PIP5K1B: variants seen among roughly 807,000 people sequenced by gnomAD.
PIP5K1B encodes phosphatidylinositol-4-phosphate 5-kinase type 1 beta.
A neutral mutation model predicts 67.0 loss-of-function variants in PIP5K1B; 42 were observed. That is an observed-to-expected ratio of 0.63 (90% CI 0.49 to 0.81). PIP5K1B has a LOEUF of 0.81. Among genes scored for constraint, PIP5K1B ranks in the 30% least tolerant of loss-of-function variants. PIP5K1B has a pLI of 0.00. For synonymous variants in PIP5K1B, 214 were observed against 231.4 expected (o/e 0.92, Z 0.68); for missense variants, 459 against 646.3 (o/e 0.71, Z 3.14).
intron 14 of PIP5K1B, among the ~76,000 whole-genome samples, chr9:68,986,954 A>G (rs1424992083): frequency 1.3e-5 from 2 of 152,206 alleles, no homozygotes; most frequent in Non-Finnish European, 2.9e-5. Context: ...GTCATTTAAA[A>G]AAAAATAAAT....
At chr9:68,819,596 C>T (rs12341091) in intron 3 of PIP5K1B, among the ~76,000 whole-genome samples, 2 of 152,082 alleles carry the variant, frequency 1.3e-5, no homozygotes. Flanking sequence ...TTTTTTAAAA[C>T]AATGTTTTGA....
chr9:68,842,258 G>A (rs1821956354), intron 4 of PIP5K1B, among the ~76,000 whole-genome samples: 2 of 152,148 alleles, frequency 1.3e-5, no homozygotes, highest in African/African-American at 4.8e-5. Flanking sequence ...CAGGGAGGGT[G>A]GACAGGCAGG....
At chr9:68,775,764 TG>T (rs956576290) in intron 2 of PIP5K1B, among the ~76,000 whole-genome samples, 60 of 152,360 alleles carry the variant, frequency 3.9e-4, no homozygotes, top group African/African-American at 1.4e-3. Flanking sequence ...TTTGGCTGTT[TG>T]GGGACTTCAT....
chr9:68,795,263 C>G (rs1240635440), intron 2 of PIP5K1B, among the ~76,000 whole-genome samples: 2 of 152,104 alleles, frequency 1.3e-5, no homozygotes, highest in African/African-American at 4.8e-5. Context: ...TCCAAGCTTT[C>G]TGATTTTAGG....
At chr9:68,935,679 C>G (rs539788026) in intron 13 of PIP5K1B, among the ~76,000 whole-genome samples, 1 of 152,306 alleles carries the variant, frequency 6.6e-6, no homozygotes, top group South Asian at 2.1e-4. Context: ...TGTACACATA[C>G]ACATATGCAC....
intron 15 of PIP5K1B, among the ~76,000 whole-genome samples, chr9:68,993,539 C>T (rs147002630): frequency 5.9e-5 from 9 of 152,188 alleles, no homozygotes; most frequent in South Asian, 2.1e-4. Context: ...GAGCAATGCT[C>T]CACCCTACCA....
chr9:69,007,006 C>A (rs1541083), intron 15 of PIP5K1B, among the ~76,000 whole-genome samples: 91,502 of 152,032 alleles, frequency 0.6, 28,981 homozygotes, highest in African/African-American at 0.8. Flanking sequence ...GTCCCACTTG[C>A]CCACTGCTAT....
chr9:68,725,411 C>T (rs903233364), intron 1 of PIP5K1B, among the ~76,000 whole-genome samples: 1 of 152,146 alleles, frequency 6.6e-6, no homozygotes, highest in African/African-American at 2.4e-5. Context: ...TGTTGTGAGG[C>T]CAAATGAACT....
chr9:68,793,799 A>G (rs1832135690), intron 2 of PIP5K1B, among the ~76,000 whole-genome samples: 1 of 152,204 alleles, frequency 6.6e-6, no homozygotes, highest in Non-Finnish European at 1.5e-5. Context: ...GCTGGACTGA[A>G]ATACACAATT....
intron 1 of PIP5K1B, among the ~76,000 whole-genome samples, chr9:68,719,948 A>G (rs910151955): frequency 6.6e-6 from 1 of 152,230 alleles, no homozygotes; most frequent in Non-Finnish European, 1.5e-5. Flanking sequence ...TGGAAGCTTT[A>G]GAAATGATCA....
At chr9:68,955,846 T>C (rs772906773) in intron 14 of PIP5K1B, among the ~76,000 whole-genome samples, 2 of 152,278 alleles carry the variant, frequency 1.3e-5, no homozygotes, top group African/African-American at 2.4e-5. Context: ...CATTTTTGTT[T>C]ATAATAATCC....
chr9:68,904,261 A>G (rs1825502275), intron 8 of PIP5K1B, among the ~76,000 whole-genome samples: 2 of 152,198 alleles, frequency 1.3e-5, no homozygotes, highest in Admixed American at 1.3e-4. Context: ...ATTAAGTAAT[A>G]ACATGGACAG....
chr9:68,741,911 G>T (rs1349609990), intron 1 of PIP5K1B, among the ~76,000 whole-genome samples: 1 of 152,112 alleles, frequency 6.6e-6, no homozygotes, highest in Non-Finnish European at 1.5e-5. Flanking sequence ...ACCAGGGTAG[G>T]TTATCATGGC....
chr9:69,007,681 C>T (rs906518296), intron 15 of PIP5K1B, among the ~76,000 whole-genome samples: 2 of 151,996 alleles, frequency 1.3e-5, no homozygotes, highest in Non-Finnish European at 2.9e-5. Context: ...CACAGTGAAA[C>T]CCCATCTCTA....
In PIP5K1B at chr9:68,822,701, T is replaced by A; in HGVS notation, c.69+18T>A. The A allele has an allele frequency of 6.4e-7, 1 of 1,572,304 alleles. No individual in the cohort carries two copies. On this transcript the variant is annotated intron_variant, in intron 4 of 15. Coordinates refer to ENST00000265382, the MANE Select transcript of PIP5K1B (RefSeq NM_003558.4). ...ATAAAAAGGTGAGTGTGCATTTTATTTTCTAAAGAGGAACACCGTTTTGCT... is the reference window on the plus strand; with the variant it reads ...ATAAAAAGGTGAGTGTGCATTTTATATTCTAAAGAGGAACACCGTTTTGCT...
At chr9:68,745,011 C>G (rs1197552697) in intron 2 of PIP5K1B, among the ~76,000 whole-genome samples, 1 of 152,198 alleles carries the variant, frequency 6.6e-6, no homozygotes, top group Non-Finnish European at 1.5e-5. Context: ...TTCCTTTGTT[C>G]CCACCAACTG....
chr9:68,978,082 A>C (rs916675291), intron 14 of PIP5K1B, among the ~76,000 whole-genome samples: 1 of 152,226 alleles, frequency 6.6e-6, no homozygotes, highest in African/African-American at 2.4e-5. Flanking sequence ...ACATTGTAAA[A>C]TGATTACCAC....
intron 4 of PIP5K1B, among the ~76,000 whole-genome samples, chr9:68,841,745 T>G (rs1821932964): frequency 6.6e-6 from 1 of 152,212 alleles, no homozygotes; most frequent in African/African-American, 2.4e-5. Context: ...TTTTGCAGTT[T>G]CTGTTGAATT....
At chr9:68,919,848 A>AT (rs1826276419) in intron 11 of PIP5K1B, 119 bp downstream of exon 11, 3 of 584,554 alleles carry the variant, frequency 5.1e-6, no homozygotes, top group Admixed American at 6.7e-5. Context: ...CGGTCTTTAT[A>AT]AACTCAGAAT....
Sources: gnomAD v4.1 joint callset for allele counts (sites outside exome capture counted in the v4.1 genomes callset) on GRCh38, gnomAD v4.1.1 for gene constraint, MANE v1.5 for transcripts, NCBI Gene and HGNC (gene_info 2026-07-23, HGNC 2026-07-21) for gene names.